The following HS3ST6 variants were observed in gnomAD, a reference collection of about 807,000 sequenced individuals.
The protein encoded by HS3ST6 is heparan sulfate glucosamine 3-O-sulfotransferase 6.
In HS3ST6, 13 loss-of-function variants were observed where a neutral mutation model predicts 11.0. The observed-to-expected ratio is 1.18, with a 90% CI of 0.77 to 1.88. The LOEUF (loss-of-function observed/expected upper bound fraction) is 1.88, where lower values mean the gene tolerates loss of function less well. Ranked by LOEUF, HS3ST6 falls within the 40% of genes most tolerant of loss-of-function variation. The pLI is 0.00. For synonymous variants in HS3ST6, 232 were observed against 230.6 expected (o/e 1.01, Z -0.06); for missense variants, 541 against 494.4 (o/e 1.09, Z -0.89).
At chr16:1,919,296 G>T (rs1035359498), upstream of HS3ST6, among the ~76,000 whole-genome samples, 1 of 152,208 alleles carries the variant, frequency 6.6e-6, no homozygotes, top group East Asian at 1.9e-4. Flanking sequence ...CTCCCCCAGG[G>T]GCTGCCTCTG....
At chr16:1,919,158 C>T (rs2082947425), upstream of HS3ST6, among the ~76,000 whole-genome samples, 1 of 152,218 alleles carries the variant, frequency 6.6e-6, no homozygotes, top group Non-Finnish European at 1.5e-5. Context: ...CCCCATCTGC[C>T]CAGCCTTGGT....
At position 1,912,107 on chromosome 16, in the gene HS3ST6, G is replaced by C. The variant is rs1318450550; in HGVS notation, c.512C>G (p.Ser171Cys). 4.0e-6 allele frequency: 6 copies of C among 1,506,712 alleles called. No homozygotes were observed. Among genetic ancestry groups the C allele is most frequent in the Admixed American group, 2.3e-5 (1 of 42,810 alleles). The allele number at this position is 1,506,712 out of a possible 1,614,324, so 93.3% of individuals were successfully genotyped here. Residue 171 changes from serine to cysteine, a missense_variant, in exon 2 of 2, where the codon TCC (serine) becomes TGC (cysteine). Coordinates refer to ENST00000454677, the MANE Select transcript of HS3ST6 (RefSeq NM_001009606.4). This position sits in a 1 kb window ranked among gnomAD's most constrained non-coding sequence, Gnocchi z 5.6. ...CACCACGATCAGCTTCGTGTCCGGG[G>C]ACATGGCGTGGATGCGGCGGGGGGC... The part of the protein sequence containing the change: ...REAPRRIHAM[S>C]PDTKLIVVVR...
At position 1,912,261 on chromosome 16, in the gene HS3ST6, C is replaced by T. The variant is rs1199762780; in HGVS notation, c.414-56G>A. On this transcript the variant is annotated intron_variant, in intron 1 of 1. Coordinates refer to ENST00000454677, the MANE Select transcript of HS3ST6 (RefSeq NM_001009606.4). The surrounding 1 kb of genome is among the most constrained non-coding windows in gnomAD (Gnocchi z 5.6). ...GAGCCTCCCCAGCCCTAGACCGGCC[C>T]CCAGGGGCCCGGGACCAAGGCCCCC... The T allele has an allele frequency of 2.6e-5, 33 of 1,291,284 alleles. No homozygotes were observed. The highest frequency in any genetic ancestry group is 1.1e-5 in the Non-Finnish European group (11 of 1,016,544). The allele number at this position is 1,291,284 out of a possible 1,614,324, so 80.0% of individuals were successfully genotyped here. A position where few individuals can be genotyped will look rare whatever the true frequency, so the allele number is the denominator to read the frequency against.
chr16:1,917,971 G>C lies in HS3ST6; in HGVS notation c.353C>G (p.Ala118Gly). The C allele has an allele frequency of 6.5e-7, 1 of 1,526,854 alleles. No individual in the cohort carries two copies. Among genetic ancestry groups the C allele is most frequent in the Non-Finnish European group, 8.7e-7 (1 of 1,143,746 alleles). 94.6% of individuals were successfully genotyped at this position (1,526,854 alleles called of 1,614,324 possible). ...GAAGAAGTGGGGCTCAGAGCCCAGC[G>C]CGCGGACGTCGGGGTGCAGCCGCAG... ...EFLRLHPDVRALGSEPHFFDR... is the reference protein window; with the variant it reads ...EFLRLHPDVRGLGSEPHFFDR... Residue 118 changes from alanine (A) to glycine (G), a missense_variant, in exon 1 of 2, where the codon GCG becomes GGG. Coordinates refer to ENST00000454677, the MANE Select transcript of HS3ST6 (RefSeq NM_001009606.4).
chr16:1,913,681 A>G (rs2082907628), intron 1 of HS3ST6, among the ~76,000 whole-genome samples: 1 of 152,078 alleles, frequency 6.6e-6, no homozygotes, highest in Non-Finnish European at 1.5e-5. Context: ...TGACAGCCCC[A>G]GGACCGGCCC....
upstream of HS3ST6, among the ~76,000 whole-genome samples, chr16:1,920,267 TCCCCACGGTCTCAGGAGC>T: frequency 1.0e-5 from 1 of 97,006 alleles, no homozygotes; most frequent in East Asian, 3.7e-4. Flanking sequence ...GTCTCAGCAG[TCCCCACGGTCTCAGGAGC>T]CCCCACGGTC....
At chr16:1,920,397 A>AGTCTCAGCTATCCCCAC (rs2082957524), upstream of HS3ST6, among the ~76,000 whole-genome samples, 1 of 86,096 alleles carries the variant, frequency 1.2e-5, no homozygotes. Context: ...GAGTCCCCAC[A>AGTCTCAGCTATCCCCAC]GGTTCAGCAG....
chr16:1,912,019 G>C lies in HS3ST6; in HGVS notation c.600C>G (p.Gly200=). ...AGGCCAGGGCGCGGAAGCTGGGCAG[G>C]CCCGGGGTCTTGGAGAGCGTCTGGG... ...DYAQTLSKTP[G]LPSFRALAFR... The change falls in exon 2 of 2, where the codon GGC becomes GGG. Residue 200 remains glycine, a synonymous_variant. Coordinates refer to ENST00000454677, the MANE Select transcript of HS3ST6 (RefSeq NM_001009606.4). This position sits in a 1 kb window ranked among gnomAD's most constrained non-coding sequence, Gnocchi z 5.6. 1.3e-6 allele frequency: 2 copies of C among 1,527,746 alleles called. No homozygotes were observed. The highest frequency in any genetic ancestry group is 1.8e-6 in the Non-Finnish European group (2 of 1,139,052). 94.6% of individuals were successfully genotyped at this position (1,527,746 alleles called of 1,614,324 possible).
intron 1 of HS3ST6, among the ~76,000 whole-genome samples, chr16:1,917,198 G>A (rs935499836): frequency 6.6e-6 from 1 of 152,184 alleles, no homozygotes; most frequent in Non-Finnish European, 1.5e-5. Context: ...CTCCCCAACT[G>A]GCCTTGGGCA....
rs1439096120 is a variant in HS3ST6 at position 1,918,177 on chromosome 16, G to A, written c.147C>T (p.Gly49=). 9.1e-7 allele frequency: 1 copy of A among 1,096,092 alleles called. No individual in the cohort carries two copies. The highest frequency in any genetic ancestry group is 1.1e-6 in the Non-Finnish European group (1 of 904,064). 67.9% of individuals were successfully genotyped at this position (1,096,092 alleles called of 1,614,324 possible). A position where few individuals can be genotyped will look rare whatever the true frequency, so the allele number is the denominator to read the frequency against. ...LGAYCLCALP[G]RCPPAARAPA... Reference sequence around the variant, plus strand: ...GGGCGCGGGCGGCCGGCGGGCAGCGGCCGGGGAGGGCGCAGAGGCAGTAGG... The same window carrying A: ...GGGCGCGGGCGGCCGGCGGGCAGCGACCGGGGAGGGCGCAGAGGCAGTAGG... Residue 49 remains glycine (G), a synonymous_variant, in exon 1 of 2, where the codon GGC becomes GGT. Transcript: ENST00000454677. This position sits in a 1 kb window ranked among gnomAD's most constrained non-coding sequence, Gnocchi z 6.0.
chr16:1,915,188 T>C (rs71385724), intron 1 of HS3ST6, among the ~76,000 whole-genome samples: 9,149 of 152,308 alleles, frequency 0.06, 566 homozygotes, highest in African/African-American at 0.16. Flanking sequence ...CCCCACTCCC[T>C]GCACCCACTG....
At chr16:1,917,373 G>A (rs1597011883) in intron 1 of HS3ST6, among the ~76,000 whole-genome samples, 1 of 152,274 alleles carries the variant, frequency 6.6e-6, no homozygotes, top group South Asian at 2.1e-4. Flanking sequence ...TCACCTAAAG[G>A]CAGTCTCCTC....
intron 1 of HS3ST6, among the ~76,000 whole-genome samples, chr16:1,916,178 T>C (rs28680187): frequency 6.5e-4 from 38 of 58,412 alleles, no homozygotes; most frequent in South Asian, 2.7e-3. Context: ...TCGGAGAGCA[T>C]GAGGACACTT....
Position 1,911,706 on chromosome 16 carries a change from T to C in HS3ST6, c.913A>G (p.Lys305Glu), listed in dbSNP as rs1248067408. 6.2e-7 allele frequency: 1 copy of C among 1,612,372 alleles called. No individual in the cohort carries two copies. Among genetic ancestry groups the C allele is most frequent in the East Asian group, 2.2e-5 (1 of 44,868 alleles). ...GGCACGCGTGGGTGTGGCCGGCCCT[T>C]GGACTTGCCCAGGCAGCGGGGACGG... ...GSRPRCLGKS[K>E]GRPHPRVPQA... Residue 305 changes from lysine to glutamate, a missense_variant, in exon 2 of 2, where the codon AAG becomes GAG. By Grantham distance (56) the Lys-to-Glu change is moderately conservative. Coordinates refer to ENST00000454677, the MANE Select transcript of HS3ST6 (RefSeq NM_001009606.4).
chr16:1,912,005 C>T lies in HS3ST6; in HGVS notation c.614G>A (p.Arg205His), dbSNP rs534111598. Residue 205 changes from arginine (R) to histidine (H), a missense_variant, in exon 2 of 2, where the codon CGC (arginine) becomes CAC (histidine). Physicochemically the swap from Arg to His is conservative, Grantham distance 29. Coordinates refer to ENST00000454677, the MANE Select transcript of HS3ST6 (RefSeq NM_001009606.4). The surrounding 1 kb of genome is among the most constrained non-coding windows in gnomAD (Gnocchi z 5.6). Reference sequence around the variant, plus strand: ...CAGGCCGTGGCGGAAGGCCAGGGCGCGGAAGCTGGGCAGGCCCGGGGTCTT... The same window carrying T: ...CAGGCCGTGGCGGAAGGCCAGGGCGTGGAAGCTGGGCAGGCCCGGGGTCTT... ...LSKTPGLPSFRALAFRHGLGP... is the reference protein window; with the variant it reads ...LSKTPGLPSFHALAFRHGLGP... 16 of 1,530,776 alleles carry T rather than the reference C, an allele frequency of 1.0e-5. No homozygotes were observed. The highest frequency in any genetic ancestry group is 6.8e-5 in the East Asian group (3 of 43,890). 94.8% of individuals were successfully genotyped at this position (1,530,776 alleles called of 1,614,324 possible). A position where few individuals can be genotyped will look rare whatever the true frequency, so the allele number is the denominator to read the frequency against.
chr16:1,915,177 A>G (rs184845811), intron 1 of HS3ST6, among the ~76,000 whole-genome samples: 2 of 151,956 alleles, frequency 1.3e-5, no homozygotes, highest in East Asian at 3.9e-4. Flanking sequence ...ACATACTCAG[A>G]CCCCACTCCC....
In HS3ST6 at chr16:1,917,901, G is replaced by A. The variant is rs1320662366; in HGVS notation, c.413+10C>T. On this transcript the variant is annotated intron_variant, in intron 1 of 1. Transcript: ENST00000454677. ...GGCGCCGGTCAGGGCGGACGGGCCA[G>A]GGTGCTCACCGGTACCAGGCGAGGC... 1.4e-6 allele frequency: 2 copies of A among 1,433,284 alleles called. No homozygotes were observed. Among genetic ancestry groups the A allele is most frequent in the Non-Finnish European group, 9.2e-7 (1 of 1,091,598 alleles). 88.8% of individuals were successfully genotyped at this position (1,433,284 alleles called of 1,614,324 possible). A position where few individuals can be genotyped will look rare whatever the true frequency, so the allele number is the denominator to read the frequency against.
At chr16:1,920,111 C>T (rs558702995), upstream of HS3ST6, among the ~76,000 whole-genome samples, 7 of 96,646 alleles carry the variant, frequency 7.2e-5, no homozygotes, top group South Asian at 4.4e-4. Context: ...GGAGTCCCCA[C>T]GGTCTCAGCC....
chr16:1,917,864 C>T (rs749725274), intron 1 of HS3ST6, 47 bp downstream of exon 1: 20 of 1,288,950 alleles, frequency 1.6e-5, no homozygotes, highest in Non-Finnish European at 1.0e-6. Context: ...CGCACGATAC[C>T]CTCCCCAGGA....
Sources: gnomAD v4.1 joint callset for allele counts (sites outside exome capture counted in the v4.1 genomes callset) on GRCh38, gnomAD v4.1.1 for gene constraint, Gnocchi (gnomAD v3.1) non-coding constraint, MANE v1.5 for transcripts, NCBI Gene and HGNC (gene_info 2026-07-23, HGNC 2026-07-21) for gene names.